HCN1: variants seen among roughly 807,000 people sequenced by gnomAD.
HCN1 encodes hyperpolarization activated cyclic nucleotide gated potassium channel 1.
In HCN1, 13 loss-of-function variants were observed where a neutral mutation model predicts 78.9. That is an observed-to-expected ratio of 0.16 (90% CI 0.11 to 0.26). The LOEUF (loss-of-function observed/expected upper bound fraction) is 0.26. HCN1 is among the 10% of genes least tolerant of loss of function. The pLI, the probability that HCN1 is intolerant of heterozygous loss-of-function variation, is 1.00. For missense variants in HCN1, 810 were observed against 1,154.3 expected (o/e 0.70, Z 4.32); for synonymous variants, 552 against 455.5 (o/e 1.21, Z -2.70).
chr5:45,528,597 C>T (rs1742785693), intron 2 of HCN1, among the ~76,000 whole-genome samples: 2 of 151,814 alleles, frequency 1.3e-5, no homozygotes, highest in Admixed American at 6.6e-5. Flanking sequence ...AAGTAACCTT[C>T]CAAAGCAGCA....
chr5:45,461,581 A>C (rs1477759594), intron 3 of HCN1, among the ~76,000 whole-genome samples: 1 of 152,160 alleles, frequency 6.6e-6, no homozygotes, highest in Non-Finnish European at 1.5e-5. Context: ...GTATCTTTGA[A>C]ATAAGATATG....
chr5:45,338,478 C>T (rs1746509780), intron 5 of HCN1, among the ~76,000 whole-genome samples: 1 of 152,116 alleles, frequency 6.6e-6, no homozygotes, highest in Non-Finnish European at 1.5e-5. Context: ...TGTGTATACA[C>T]ATTTTAATAT....
intron 2 of HCN1, among the ~76,000 whole-genome samples, chr5:45,526,765 GCT>G (rs1182268780): frequency 1.3e-5 from 2 of 152,018 alleles, no homozygotes; most frequent in African/African-American, 4.8e-5. Flanking sequence ...ATCCACTTGA[GCT>G]CTCTTTCTCA....
intron 1 of HCN1, among the ~76,000 whole-genome samples, chr5:45,657,115 C>T (rs923665912): frequency 1.3e-5 from 2 of 151,954 alleles, no homozygotes; most frequent in African/African-American, 4.8e-5. Context: ...TGTGGGCAGA[C>T]CAACATTTGC....
rs572151323 is a variant in HCN1 at position 45,573,480 on chromosome 5, G to A, written c.849+71705C>T. On this transcript the variant is annotated intron_variant, in intron 2 of 7. Transcript: ENST00000303230. ...TTTTCCAATAACCTCCCCCCACCCC[G>A]AAAATTGTTAAAAAAACACTGTAAC... Among the ~76,000 whole-genome samples the A allele has an allele frequency of 1.8e-4, 20 of 110,312 alleles. 1 individual carries two copies. The highest frequency in any genetic ancestry group is 1.8e-3 in the East Asian group (7 of 3,918). 72.4% of individuals were successfully genotyped at this position (110,312 alleles called of 152,430 possible).
chr5:45,640,577 CTTTTT>C (rs1319334376), intron 2 of HCN1, among the ~76,000 whole-genome samples: 1 of 138,628 alleles, frequency 7.2e-6, no homozygotes. Flanking sequence ...AAGTCTGATT[CTTTTT>C]TTTTTTTTTT....
chr5:45,476,984 G>C (rs1741531992), intron 2 of HCN1, among the ~76,000 whole-genome samples: 1 of 151,998 alleles, frequency 6.6e-6, no homozygotes, highest in Non-Finnish European at 1.5e-5. Flanking sequence ...CTAGCAAATT[G>C]TGCTCCATAT....
At chr5:45,485,681 G>T (rs1300241763) in intron 2 of HCN1, among the ~76,000 whole-genome samples, 1 of 152,072 alleles carries the variant, frequency 6.6e-6, no homozygotes, top group East Asian at 1.9e-4. Context: ...CTCAGGATTA[G>T]AAAAGAGGAA....
Position 45,258,092 on chromosome 5 carries a change from T to G in HCN1, c.*3829A>C, listed in dbSNP as rs533309497. On this transcript the variant is annotated 3_prime_UTR_variant, in exon 8 of 8. Coordinates refer to ENST00000303230, the MANE Select transcript of HCN1 (RefSeq NM_021072.4). ...TGGAGAGATATCTCATTCAAACAGG[T>G]TAACATTATAAACAGTGCAAGTGAG... 2 of 152,160 alleles carry G rather than the reference T, an allele frequency of 1.3e-5. No individual in the cohort carries two copies. The highest frequency in any genetic ancestry group is 2.1e-4 in the South Asian group (1 of 4,818). The allele number at this position is 152,160 out of a possible 1,614,324, so 9.4% of individuals were successfully genotyped here. A position where few individuals can be genotyped will look rare whatever the true frequency, so the allele number is the denominator to read the frequency against.
intron 2 of HCN1, among the ~76,000 whole-genome samples, chr5:45,635,432 C>A (rs1466592503): frequency 6.6e-6 from 1 of 152,068 alleles, no homozygotes; most frequent in Non-Finnish European, 1.5e-5. Context: ...TCTGATCCCA[C>A]TACTCCTGAC....
At chr5:45,601,041 A>AT (rs1410945012) in intron 2 of HCN1, among the ~76,000 whole-genome samples, 14 of 151,984 alleles carry the variant, frequency 9.2e-5, no homozygotes, top group Admixed American at 2.6e-4. Context: ...AAGAATATAT[A>AT]TTTTTTTTCC....
intron 6 of HCN1, among the ~76,000 whole-genome samples, chr5:45,276,555 A>C (rs1745062621): frequency 1.3e-5 from 2 of 152,114 alleles, no homozygotes; most frequent in Non-Finnish European, 2.9e-5. Flanking sequence ...AAGGAATGGA[A>C]ATTAAAGATA....
chr5:45,331,227 G>A (rs1746338138), intron 5 of HCN1, among the ~76,000 whole-genome samples: 1 of 150,962 alleles, frequency 6.6e-6, no homozygotes, highest in African/African-American at 2.4e-5. Flanking sequence ...AGAGTTCTTA[G>A]GGCAGTAATC....
Position 45,642,539 on chromosome 5 carries a change from T to C in HCN1, c.849+2646A>G, listed in dbSNP as rs1239001780. Reference sequence around the variant, plus strand: ...CTCAGGAATGATTCATTTAGAACAGTGGCAGCTTCCAGACTTCACACATTA... The same window carrying C: ...CTCAGGAATGATTCATTTAGAACAGCGGCAGCTTCCAGACTTCACACATTA... On this transcript the variant is annotated intron_variant, in intron 2 of 7. Coordinates refer to ENST00000303230, the MANE Select transcript of HCN1 (RefSeq NM_021072.4). 3 of 152,224 alleles carry C rather than the reference T, an allele frequency of 2.0e-5. No homozygotes were observed. In the East Asian group the frequency reaches 5.8e-4, roughly 29 times the overall value. The allele number at this position is 152,224 out of a possible 1,614,324, so 9.4% of individuals were successfully genotyped here. A position where few individuals can be genotyped will look rare whatever the true frequency, so the allele number is the denominator to read the frequency against.
At chr5:45,289,895 G>A (rs1039687767) in intron 6 of HCN1, among the ~76,000 whole-genome samples, 2 of 151,900 alleles carry the variant, frequency 1.3e-5, no homozygotes, top group Non-Finnish European at 2.9e-5. Context: ...TGCCTTCTTT[G>A]TATTCTCTCA....
intron 3 of HCN1, among the ~76,000 whole-genome samples, chr5:45,439,948 A>C (rs1579895852): frequency 6.7e-6 from 1 of 148,536 alleles, no homozygotes; most frequent in African/African-American, 2.4e-5. Flanking sequence ...AATTATAAAA[A>C]TATAACAAAA....
chr5:45,318,633 C>G (rs1022111020), intron 5 of HCN1, among the ~76,000 whole-genome samples: 7 of 151,550 alleles, frequency 4.6e-5, no homozygotes, highest in African/African-American at 1.2e-4. Flanking sequence ...TATTTGCTTA[C>G]AGCAGTCCTT....
intron 5 of HCN1, among the ~76,000 whole-genome samples, chr5:45,316,313 C>T (rs148564862): frequency 0.057 from 8,665 of 152,198 alleles, 367 homozygotes; most frequent in East Asian, 0.13. Context: ...AGGCAAAAAT[C>T]ACATGATTAT....
At chr5:45,649,992 GGTTA>G (rs1745646320) in intron 1 of HCN1, among the ~76,000 whole-genome samples, 1 of 151,946 alleles carries the variant, frequency 6.6e-6, no homozygotes, top group South Asian at 2.1e-4. Flanking sequence ...TATGCTCTTA[GGTTA>G]GATATCTAAA....
Sources: allele counts gnomAD v4.1 joint callset (sites outside exome capture counted in the v4.1 genomes callset), GRCh38; gene constraint gnomAD v4.1.1; transcripts MANE v1.5; gene names NCBI Gene and HGNC (gene_info 2026-07-23, HGNC 2026-07-21).